Variants in KAZN observed in about 807,000 individuals in gnomAD.
KAZN encodes kazrin, periplakin interacting protein, also known as kazrin.
Under a neutral mutation model 87.4 loss-of-function variants are expected in KAZN, and 40 were observed. The ratio of observed to expected loss-of-function variants is 0.46; its 90% confidence interval spans 0.36 to 0.60. KAZN has a LOEUF of 0.60. KAZN is among the 20% of genes least tolerant of loss of function. The pLI is 0.00. For missense variants in KAZN, 898 were observed against 1,073.9 expected (o/e 0.84, Z 2.29); for synonymous variants, 466 against 458.3 (o/e 1.02, Z -0.22).
At chr1:14,848,122 G>T (rs1426135545) in intron 1 of KAZN, among the ~76,000 whole-genome samples, 1 of 152,242 alleles carries the variant, frequency 6.6e-6, no homozygotes. Flanking sequence ...CCTTGGATGT[G>T]TTCCTTGCTC....
At chr1:14,883,429 C>T (rs1012737575) in intron 1 of KAZN, among the ~76,000 whole-genome samples, 2 of 120,662 alleles carry the variant, frequency 1.7e-5, no homozygotes, top group Non-Finnish European at 3.5e-5. Context: ...GAAAGAAAAG[C>T]GGTTCTTGAG....
chr1:15,087,682 C>G (rs567293745), intron 8 of KAZN, among the ~76,000 whole-genome samples: 15 of 152,294 alleles, frequency 9.8e-5, no homozygotes, highest in African/African-American at 3.4e-4. Context: ...CCACCACACC[C>G]AGCCCTTAAG....
chr1:15,041,331 C>CTTTTTTTTTT lies in KAZN; in HGVS notation c.556-2652_556-2643dup, dbSNP rs71000360. ...GTATTCTACTCTCCGCATTTTTTTTCTTTTTTTTTTTTTTTGTTTTTTTGA... is the reference window on the plus strand; with the variant it reads ...GTATTCTACTCTCCGCATTTTTTTTCTTTTTTTTTTTTTTTTTTTTTTTTTGTTTTTTTGA... On this transcript the variant is annotated intron_variant, in intron 3 of 14. Transcript: ENST00000376030. Among the ~76,000 whole-genome samples the CTTTTTTTTTT allele has an allele frequency of 1.6e-3, 184 of 114,060 alleles. 2 individuals carry two copies. The highest frequency in any genetic ancestry group is 0.011 in the Middle Eastern group (2 of 190). 74.8% of individuals were successfully genotyped at this position (114,060 alleles called of 152,430 possible). A position where few individuals can be genotyped will look rare whatever the true frequency, so the allele number is the denominator to read the frequency against.
chr1:14,827,775 C>A (rs1466220593), intron 1 of KAZN, among the ~76,000 whole-genome samples: 1 of 152,170 alleles, frequency 6.6e-6, no homozygotes, highest in Non-Finnish European at 1.5e-5. Context: ...AGTTTGGGAA[C>A]CAGTAATGAG....
At chr1:14,660,541 C>CTTTTTTTT (rs1156503750) in intron 1 of KAZN, among the ~76,000 whole-genome samples, 13 of 76,034 alleles carry the variant, frequency 1.7e-4, no homozygotes, top group East Asian at 4.6e-4. Flanking sequence ...CTCTCTCTCT[C>CTTTTTTTT]TTTTTTTTTT....
intron 1 of KAZN, among the ~76,000 whole-genome samples, chr1:14,802,759 A>G (rs1646081409): frequency 6.6e-6 from 1 of 152,096 alleles, no homozygotes; most frequent in Non-Finnish European, 1.5e-5. Context: ...GGCCTCTTTT[A>G]AGGGTTAAAT....
chr1:13,902,526 G>A (rs1446609242), intron 1 of KAZN, among the ~76,000 whole-genome samples: 1 of 152,154 alleles, frequency 6.6e-6, no homozygotes, highest in Non-Finnish European at 1.5e-5. Context: ...AAACCCTGGC[G>A]GCTACCAGAG....
intron 2 of KAZN, among the ~76,000 whole-genome samples, chr1:14,202,879 A>G (rs1002099393): frequency 1.3e-5 from 2 of 152,146 alleles, no homozygotes; most frequent in Non-Finnish European, 2.9e-5. Flanking sequence ...TTAGCTGGGC[A>G]TGGTCGTGGG....
chr1:15,059,651 A>T (rs1435088246), intron 5 of KAZN, among the ~76,000 whole-genome samples: 1 of 151,908 alleles, frequency 6.6e-6, no homozygotes, highest in Non-Finnish European at 1.5e-5. Context: ...TGCCGATTGG[A>T]TGTGGGATAT....
intron 2 of KAZN, among the ~76,000 whole-genome samples, chr1:15,019,580 G>C (rs1406930114): frequency 1.3e-5 from 2 of 152,040 alleles, no homozygotes; most frequent in Non-Finnish European, 2.9e-5. Flanking sequence ...GTAGAGACAG[G>C]GTTTCGCCAT....
chr1:14,725,470 T>TTTC (rs1643333664), intron 1 of KAZN, among the ~76,000 whole-genome samples: 2 of 152,068 alleles, frequency 1.3e-5, no homozygotes, highest in Admixed American at 1.3e-4. Context: ...CTTTTTTTTT[T>TTTC]TTTCTTTCTT....
chr1:14,873,304 G>A (rs1455945123), intron 1 of KAZN, among the ~76,000 whole-genome samples: 1 of 152,212 alleles, frequency 6.6e-6, no homozygotes, highest in Non-Finnish European at 1.5e-5. Context: ...ATTCTAAAGG[G>A]GAGAGTCAGA....
intron 1 of KAZN, among the ~76,000 whole-genome samples, chr1:14,634,039 G>A (rs1323348869): frequency 2.6e-5 from 4 of 152,108 alleles, no homozygotes; most frequent in African/African-American, 9.7e-5. Flanking sequence ...CAACTGCAGA[G>A]AGCTGGAGAT....
chr1:14,609,543 T>C (rs1384287219), intron 1 of KAZN, among the ~76,000 whole-genome samples: 1 of 152,238 alleles, frequency 6.6e-6, no homozygotes, highest in Non-Finnish European at 1.5e-5. Context: ...TTTTTCAGTG[T>C]TATCGCATTT....
At chr1:15,023,527 C>T (rs2102176726) in intron 2 of KAZN, among the ~76,000 whole-genome samples, 1 of 151,990 alleles carries the variant, frequency 6.6e-6, no homozygotes, top group Admixed American at 6.5e-5. Flanking sequence ...GGGCAGCTTC[C>T]CCGGAATGTG....
chr1:14,222,592 A>G (rs755047849), intron 2 of KAZN, among the ~76,000 whole-genome samples: 1 of 152,232 alleles, frequency 6.6e-6, no homozygotes, highest in Non-Finnish European at 1.5e-5. Flanking sequence ...AGAAGTCACT[A>G]TGAGACCCCA....
intron 3 of KAZN, among the ~76,000 whole-genome samples, chr1:15,041,419 C>T (rs544566868): frequency 6.7e-6 from 1 of 149,372 alleles, no homozygotes; most frequent in Non-Finnish European, 1.5e-5. Context: ...CTCACTGCAA[C>T]CTCCGCCTCC....
intron 2 of KAZN, among the ~76,000 whole-genome samples, chr1:14,567,283 AAC>A (rs1448564371): frequency 1.3e-5 from 2 of 152,198 alleles, no homozygotes; most frequent in Non-Finnish European, 2.9e-5. Context: ...GAGCTGTCGG[AAC>A]ACACAAAATT....
intron 8 of KAZN, among the ~76,000 whole-genome samples, chr1:15,080,359 G>A (rs988354212): frequency 2.0e-5 from 3 of 152,174 alleles, no homozygotes; most frequent in Non-Finnish European, 2.9e-5. Flanking sequence ...TTAGCCCAGG[G>A]CCTCCCAAGG....
Sources: allele counts gnomAD v4.1 joint callset (sites outside exome capture counted in the v4.1 genomes callset), GRCh38; gene constraint gnomAD v4.1.1; transcripts MANE v1.5; gene names NCBI Gene and HGNC (gene_info 2026-07-23, HGNC 2026-07-21).